Variants in FER1L6 observed in about 807,000 individuals in gnomAD.
The protein encoded by FER1L6 is fer-1-like protein 6.
FER1L6 carries 177 observed loss-of-function variants against 219.2 expected under a neutral mutation model. The ratio of observed to expected loss-of-function variants is 0.81; its 90% CI spans 0.71 to 0.91. The LOEUF is 0.91. Among genes scored for constraint, FER1L6 ranks in the 40% least tolerant of loss-of-function variants. The pLI is 0.00. For synonymous variants in FER1L6, 768 were observed against 824.3 expected (o/e 0.93, Z 1.17); for missense variants, 2,153 against 2,259.9 (o/e 0.95, Z 0.96).
chr8:123,946,137 A>G (rs549133597), intron 1 of FER1L6, among the ~76,000 whole-genome samples: 1 of 152,354 alleles, frequency 6.6e-6, no homozygotes, highest in Non-Finnish European at 1.5e-5. Context: ...ATAAATGAAC[A>G]TCCAGAAGTA....
rs1263962928 is a variant in FER1L6, at chr8:123,970,070, TC to T, written c.421del (p.Leu141PhefsTer15). ...TCGACTTCATTGGGCCCCAAGTGCA[TC>T]TTTTTGACAAGATCATCAAAATCTC... ...VFDFIGPQVHLFDKIIKISVF... is the reference protein window; with the variant it reads ...VFDFIGPQVHXFDKIIKISVF... On this transcript the variant is annotated frameshift_variant, in exon 6 of 41. Transcript: ENST00000522917. LOFTEE classifies it high-confidence loss of function. 1 of 1,613,924 alleles carries T rather than the reference TC, an allele frequency of 6.2e-7. No individual in the cohort carries two copies. The highest frequency in any genetic ancestry group is 8.5e-7 in the Non-Finnish European group (1 of 1,179,962).
Position 124,094,920 on chromosome 8 carries a change from A to G in FER1L6, c.4577A>G (p.His1526Arg). 1 of 1,614,164 alleles carries G rather than the reference A, an allele frequency of 6.2e-7. No individual in the cohort carries two copies. Among genetic ancestry groups the G allele is most frequent in the Non-Finnish European group, 8.5e-7 (1 of 1,179,986 alleles). ...GATGAGACAGTGGAGTCTTATGAACACCTGGCCCTCAAGGTTTTACACTCT... is the reference window on the plus strand; with the variant it reads ...GATGAGACAGTGGAGTCTTATGAACGCCTGGCCCTCAAGGTTTTACACTCT... Reference protein sequence around the residue: ...DTDETVESYEHLALKVLHSWE... With the variant: ...DTDETVESYERLALKVLHSWE... The change falls in exon 35 of 41, where the codon CAC becomes CGC. Residue 1526 changes from histidine (H) to arginine (R), a missense_variant. Transcript: ENST00000522917.
chr8:123,988,289 G>A (rs1816691068), intron 12 of FER1L6, among the ~76,000 whole-genome samples: 1 of 152,140 alleles, frequency 6.6e-6, no homozygotes, highest in Non-Finnish European at 1.5e-5. Context: ...TTTTTGCTTA[G>A]AATAGCTTTG....
At chr8:124,002,118 C>T (rs908773719) in intron 12 of FER1L6, among the ~76,000 whole-genome samples, 4 of 152,174 alleles carry the variant, frequency 2.6e-5, no homozygotes, top group East Asian at 1.9e-4. Context: ...TATCCCCACA[C>T]GAAGCTGTGA....
intron 1 of FER1L6, among the ~76,000 whole-genome samples, chr8:123,926,465 G>A (rs182470663): frequency 6.6e-6 from 1 of 152,308 alleles, no homozygotes; most frequent in East Asian, 1.9e-4. Context: ...GGCCAGCTCT[G>A]GGAGTTCGTC....
At chr8:123,859,798 C>T (rs1171647803) in intron 1 of FER1L6, among the ~76,000 whole-genome samples, 10 of 135,826 alleles carry the variant, frequency 7.4e-5, no homozygotes, top group African/African-American at 2.0e-4. Flanking sequence ...TGAGAATATG[C>T]GGTGTTTGGT....
rs71289633 is a variant in FER1L6 at position 124,003,451 on chromosome 8, C to CTTT, written c.1700+132_1700+134dup. 8.9e-4 allele frequency: 99 copies of CTTT among 111,768 alleles called. 1 individual carries two copies. Among genetic ancestry groups the CTTT allele is most frequent in the South Asian group, 1.2e-3 (5 of 4,306 alleles). 6.9% of individuals were successfully genotyped at this position (111,768 alleles called of 1,614,324 possible). Reference sequence around the variant, plus strand: ...GTTCTTCACTAAAATCAGAAATGTCCTTTTTTTTTTTTTTTTTTTTTTTTT... The same window carrying CTTT: ...GTTCTTCACTAAAATCAGAAATGTCCTTTTTTTTTTTTTTTTTTTTTTTTTTTT... On this transcript the variant is annotated intron_variant, in intron 13 of 40. Transcript: ENST00000522917.
At chr8:124,065,985 G>T (rs1820814587) in intron 26 of FER1L6, among the ~76,000 whole-genome samples, 2 of 152,178 alleles carry the variant, frequency 1.3e-5, no homozygotes, top group Admixed American at 1.3e-4. Flanking sequence ...ACAGTTGTGG[G>T]TATTATTGTC....
chr8:124,102,915 G>A (rs564178750), intron 38 of FER1L6, among the ~76,000 whole-genome samples: 1 of 152,210 alleles, frequency 6.6e-6, no homozygotes, highest in African/African-American at 2.4e-5. Context: ...GTTAAAACAA[G>A]CTCTTCCTTT....
At chr8:124,112,099 T>C (rs1024859145) in intron 39 of FER1L6, among the ~76,000 whole-genome samples, 1 of 152,164 alleles carries the variant, frequency 6.6e-6, no homozygotes, top group Non-Finnish European at 1.5e-5. Flanking sequence ...TCCATGTGTA[T>C]AAAATCACTA....
At chr8:124,002,964 T>C (rs1817483794) in intron 12 of FER1L6, among the ~76,000 whole-genome samples, 1 of 152,144 alleles carries the variant, frequency 6.6e-6, no homozygotes, top group South Asian at 2.1e-4. Context: ...TGTGTAGTTA[T>C]TACAAAAGAG....
At position 124,069,432 on chromosome 8, in the gene FER1L6, A is replaced by G; in HGVS notation, c.3791A>G (p.Lys1264Arg). ...PKKKKDKMLK[K>R]KPKDDGIPNL... ...AAGAAGAAAGACAAAATGCTCAAGA[A>G]GAAACCCAAAGATGATGGAATCCCC... Residue 1264 changes from lysine to arginine, a missense_variant, in exon 29 of 41, where the codon AAG (lysine) becomes AGG (arginine). Physicochemically the swap from Lys to Arg is conservative, Grantham distance 26. Transcript: ENST00000522917. The G allele has an allele frequency of 6.2e-7, 1 of 1,611,990 alleles. No individual in the cohort carries two copies. The highest frequency in any genetic ancestry group is 1.3e-5 in the African/African-American group (1 of 74,852).
intron 22 of FER1L6, among the ~76,000 whole-genome samples, chr8:124,056,792 T>C (rs1254683955): frequency 1.3e-5 from 2 of 152,184 alleles, no homozygotes; most frequent in African/African-American, 4.8e-5. Context: ...ACACCTGTAA[T>C]GAGCACCCTT....
rs1188634244 is a variant in FER1L6 at position 123,966,171 on chromosome 8, A to G, written c.265A>G (p.Ile89Val). The G allele has an allele frequency of 1.9e-6, 3 of 1,614,058 alleles. No homozygotes were observed. The highest frequency in any genetic ancestry group is 1.3e-5 in the African/African-American group (1 of 75,030). The change falls in exon 5 of 41, where the codon ATC (isoleucine) becomes GTC (valine). Residue 89 changes from isoleucine (I) to valine (V), a missense_variant. Ile to Val is a conservative substitution (Grantham distance 29). Transcript: ENST00000522917. ...RSQNYQIAITITEARQLVGEN... is the reference protein window; with the variant it reads ...RSQNYQIAITVTEARQLVGEN... ...CTTTGTGTTGCAGATTGCCATAACC[A>G]TCACCGAGGCTCGCCAGCTGGTGGG... is the stretch of plus-strand genomic sequence containing the variant.
In FER1L6 at chr8:124,097,770, C is replaced by T. The variant is rs1044709883; in HGVS notation, c.4785-15C>T. 3 of 1,419,156 alleles carry T rather than the reference C, an allele frequency of 2.1e-6. No individual in the cohort carries two copies. Among genetic ancestry groups the T allele is most frequent in the African/African-American group, 2.8e-5 (2 of 71,058 alleles). 87.9% of individuals were successfully genotyped at this position (1,419,156 alleles called of 1,614,324 possible). A position where few individuals can be genotyped will look rare whatever the true frequency, so the allele number is the denominator to read the frequency against. On this transcript the variant is annotated splice_polypyrimidine_tract_variant and intron_variant, in intron 36 of 40. Coordinates refer to ENST00000522917, the MANE Select transcript of FER1L6 (RefSeq NM_001039112.2). ...TTCAAGGTCATCGACCTAATGCTTCCTTCTCCCATCCCAGATACGAATTGA... is the reference window on the plus strand; with the variant it reads ...TTCAAGGTCATCGACCTAATGCTTCTTTCTCCCATCCCAGATACGAATTGA...
chr8:123,883,160 G>A (rs1817141505), intron 1 of FER1L6, among the ~76,000 whole-genome samples: 1 of 152,216 alleles, frequency 6.6e-6, no homozygotes, highest in Non-Finnish European at 1.5e-5. Context: ...ACAATGGTAA[G>A]AAGCCAGGGA....
chr8:123,871,149 A>C (rs1000058137), intron 1 of FER1L6, among the ~76,000 whole-genome samples: 2 of 152,198 alleles, frequency 1.3e-5, no homozygotes, highest in Non-Finnish European at 2.9e-5. Flanking sequence ...AGAGTTGGTG[A>C]CATCAGTATG....
At chr8:124,082,179 G>A (rs1821583091) in intron 32 of FER1L6, 109 bp from the exon 33 acceptor site, 1 of 779,510 alleles carries the variant, frequency 1.3e-6, no homozygotes, top group Non-Finnish European at 2.1e-6. Flanking sequence ...GAGTTGCTGA[G>A]TGTTTAATGA....
At chr8:124,045,932 C>T in intron 21 of FER1L6, 31 bp downstream of exon 21, 2 of 1,605,986 alleles carry the variant, frequency 1.2e-6, no homozygotes. Flanking sequence ...GTGCTGACCA[C>T]ACCTCATAAA....
Sources: gnomAD v4.1 joint callset for allele counts (sites outside exome capture counted in the v4.1 genomes callset) on GRCh38, gnomAD v4.1.1 for gene constraint, MANE v1.5 for transcripts, NCBI Gene and HGNC (gene_info 2026-07-23, HGNC 2026-07-21) for gene names.